Variants in IQCE observed in about 807,000 individuals in gnomAD.
The protein encoded by IQCE is IQ motif containing E.
Under a neutral mutation model 96.0 loss-of-function variants are expected in IQCE, and 115 were observed. That is an observed-to-expected ratio of 1.20 (90% CI 1.03 to 1.40). The LOEUF is 1.40. Among genes scored for constraint, IQCE ranks in the 40% most tolerant of loss-of-function variants. The pLI is 0.00. For synonymous variants in IQCE, 412 were observed against 371.2 expected (o/e 1.11, Z -1.26); for missense variants, 1,041 against 909.1 (o/e 1.15, Z -1.87).
At chr7:2,590,216 A>T in intron 14 of IQCE, 110 bp downstream of exon 14, 5 of 753,012 alleles carry the variant, frequency 6.6e-6, no homozygotes, top group Non-Finnish European at 2.0e-6. Flanking sequence ...TGCTGCAGAG[A>T]GAGTAGGTCC....
At chr7:2,566,984 G>T in intron 1 of IQCE, 132 bp from the exon 2 acceptor site, 1 of 721,974 alleles carries the variant, frequency 1.4e-6, no homozygotes, top group Non-Finnish European at 2.5e-6. Flanking sequence ...AGTGTTCTGA[G>T]TGGCCTCAGA....
chr7:2,572,544 A>G (rs543874774), intron 5 of IQCE, among the ~76,000 whole-genome samples: 1 of 152,332 alleles, frequency 6.6e-6, no homozygotes, highest in Non-Finnish European at 1.5e-5. Flanking sequence ...GGGTGCAGGG[A>G]TATCTCGCCA....
chr7:2,567,438 A>AC (rs1781461722), intron 2 of IQCE, among the ~76,000 whole-genome samples: 2 of 152,190 alleles, frequency 1.3e-5, no homozygotes, highest in Admixed American at 6.5e-5. Context: ...TTTGCCCTGC[A>AC]CCCCACGCCC....
At chr7:2,598,676 C>T (rs775728680) in intron 17 of IQCE, 44 bp downstream of exon 17, 17 of 1,434,850 alleles carry the variant, frequency 1.2e-5, no homozygotes, top group Admixed American at 2.9e-5. Flanking sequence ...TGTGAGTCTT[C>T]GTGCTCCAAG....
At chr7:2,559,326 G>A in intron 1 of IQCE, 109 bp downstream of exon 1, 1 of 536,292 alleles carries the variant, frequency 1.9e-6, no homozygotes, top group Non-Finnish European at 2.7e-6. Flanking sequence ...GGGGCGTGAG[G>A]ACGGGGCGCA....
intron 5 of IQCE, chr7:2,572,841 G>T (rs900213866): frequency 1.4e-5 from 6 of 425,954 alleles, no homozygotes; most frequent in Non-Finnish European, 2.3e-5. Flanking sequence ...ACCGTGCCCG[G>T]CCTCTCTCTT....
intron 1 of IQCE, among the ~76,000 whole-genome samples, chr7:2,561,581 C>T (rs988695034): frequency 1.7e-4 from 26 of 151,970 alleles, no homozygotes; most frequent in African/African-American, 3.9e-4. Flanking sequence ...CCACCATGCC[C>T]GGCTAATTTT....
At chr7:2,572,619 A>G in intron 5 of IQCE, 2 of 567,722 alleles carry the variant, frequency 3.5e-6, no homozygotes, top group Admixed American at 4.7e-5. Context: ...TGAGTAAATG[A>G]TATTAGGAAC....
chr7:2,571,194 T>A lies in IQCE; in HGVS notation c.131-332T>A, dbSNP rs141829630. Among the ~76,000 whole-genome samples the A allele has an allele frequency of 2.2e-4, 34 of 152,136 alleles. No homozygotes were observed. In the East Asian group the frequency reaches 6.2e-3, roughly 28 times the overall value. ...CCACCACACCCAGCTAATTTTTAGA[T>A]TTTTTATAGAGACAGGGTCTTGTTG... On this transcript the variant is annotated intron_variant, in intron 3 of 21. Transcript: ENST00000402050.
intron 16 of IQCE, chr7:2,596,849 A>G (rs1383151145): frequency 4.9e-6 from 2 of 409,908 alleles, no homozygotes; most frequent in Non-Finnish European, 1.0e-5. Flanking sequence ...CAAAATCAGA[A>G]TGTGGAAGCC....
rs78581129 is a variant in IQCE at position 2,567,727 on chromosome 7, G to C, written c.84+564G>C. On this transcript the variant is annotated intron_variant, in intron 2 of 21. Coordinates refer to ENST00000402050, the MANE Select transcript of IQCE (RefSeq NM_152558.5). ...AGCGAAAAAAGCTTTTCTTACTGGA[G>C]ACGCAGATCTAGCAAACCTGCAGCC... 3.2e-3 allele frequency among the ~76,000 whole-genome samples: 487 copies of C among 152,340 alleles called. 6 individuals carry two copies. Among genetic ancestry groups the C allele is most frequent in the African/African-American group, 0.011 (446 of 41,570 alleles).
chr7:2,582,998 GGA>G (rs1782795846), intron 9 of IQCE, among the ~76,000 whole-genome samples: 1 of 152,120 alleles, frequency 6.6e-6, no homozygotes, highest in Non-Finnish European at 1.5e-5. Context: ...GAGTGCGAAG[GGA>G]GAGTCTTTCT....
intron 16 of IQCE, among the ~76,000 whole-genome samples, chr7:2,596,382 G>A (rs1462588277): frequency 6.6e-6 from 1 of 150,668 alleles, no homozygotes; most frequent in Non-Finnish European, 1.5e-5. Context: ...CCTTTTCTGT[G>A]TGGTGGGGTT....
chr7:2,565,133 A>AGT (rs35495754), intron 1 of IQCE, among the ~76,000 whole-genome samples: 7,070 of 147,202 alleles, frequency 0.048, 392 homozygotes, highest in East Asian at 0.29. Context: ...CATGTGTGTG[A>AGT]GTGTGTGTGT....
chr7:2,604,311 G>T (rs1273221562), intron 18 of IQCE, among the ~76,000 whole-genome samples: 4 of 152,044 alleles, frequency 2.6e-5, no homozygotes, highest in Admixed American at 2.6e-4. Flanking sequence ...AGGTCTTGCT[G>T]TGTTGCCCGG....
intron 1 of IQCE, among the ~76,000 whole-genome samples, chr7:2,559,678 G>T (rs1780774017): frequency 6.8e-6 from 1 of 147,220 alleles, no homozygotes; most frequent in Non-Finnish European, 1.5e-5. Context: ...TACTCCCCAG[G>T]GCGAGGGTGC....
chr7:2,583,568 ACT>A, intron 9 of IQCE, 67 bp from the exon 10 acceptor site: 2 of 1,211,482 alleles, frequency 1.7e-6, no homozygotes, highest in East Asian at 2.9e-5. Flanking sequence ...GTTCTGGGAA[ACT>A]CTTCCTCTTG....
At position 2,610,030 on chromosome 7, in the gene IQCE, G is replaced by A; in HGVS notation, c.1970-14G>A. ...AGCGTGGCTGACCCCTCTCCCTGTG[G>A]TTCATTTCTGCAGACCCCTCTCCCT... is the stretch of plus-strand genomic sequence containing the variant. On this transcript the variant is annotated splice_polypyrimidine_tract_variant and intron_variant, in intron 21 of 21. Coordinates refer to ENST00000402050, the MANE Select transcript of IQCE (RefSeq NM_152558.5). 6.9e-7 allele frequency: 1 copy of A among 1,455,132 alleles called. No individual in the cohort carries two copies. Among genetic ancestry groups the A allele is most frequent in the Non-Finnish European group, 9.7e-7 (1 of 1,034,898 alleles). 90.1% of individuals were successfully genotyped at this position (1,455,132 alleles called of 1,614,324 possible).
intron 5 of IQCE, 55 bp from the exon 6 acceptor site, chr7:2,573,363 G>A: frequency 1.2e-6 from 1 of 856,036 alleles, no homozygotes; most frequent in South Asian, 1.5e-5. Flanking sequence ...GTATAGCCAA[G>A]AATTCTTTCT....
Sources: gnomAD v4.1 joint callset for allele counts (sites outside exome capture counted in the v4.1 genomes callset) on GRCh38, gnomAD v4.1.1 for gene constraint, MANE v1.5 for transcripts, NCBI Gene and HGNC (gene_info 2026-07-23, HGNC 2026-07-21) for gene names.